The following ATPAF2 variants were observed in gnomAD, a reference collection of about 807,000 sequenced individuals.
The protein encoded by ATPAF2 is ATP synthase mitochondrial F1 complex assembly factor 2.
Under a neutral mutation model 36.6 loss-of-function variants are expected in ATPAF2, and 30 were observed. That is an observed-to-expected ratio of 0.82 (90% CI 0.61 to 1.11). The LOEUF (loss-of-function observed/expected upper bound fraction) is 1.11. Ranked by LOEUF, ATPAF2 falls within the 50% of genes most tolerant of loss-of-function variation. The probability of loss-of-function intolerance (pLI) is 0.00; values close to 1 mark genes in which losing one functional copy is unlikely to be tolerated. For synonymous variants in ATPAF2, 140 were observed against 152.6 expected (o/e 0.92, Z 0.61); for missense variants, 321 against 372.3 (o/e 0.86, Z 1.13).
chr17:18,025,621 T>G (rs2044532495), intron 4 of ATPAF2: 1 of 154,608 alleles, frequency 6.5e-6, no homozygotes, highest in Non-Finnish European at 1.4e-5. Context: ...CCTGTCAGGA[T>G]CCCTGTATAG....
chr17:18,020,920 C>T, intron 7 of ATPAF2: 3 of 1,344,244 alleles, frequency 2.2e-6, no homozygotes, highest in Non-Finnish European at 2.9e-6. Flanking sequence ...CTCAGCCACC[C>T]AAAGTGCTGG....
At chr17:18,031,366 T>C (rs2044632196) in intron 1 of ATPAF2, among the ~76,000 whole-genome samples, 1 of 152,172 alleles carries the variant, frequency 6.6e-6, no homozygotes, top group Non-Finnish European at 1.5e-5. Context: ...GGCCCAAAAT[T>C]GCATTCCACA....
chr17:18,033,368 A>G (rs963928168), intron 1 of ATPAF2, among the ~76,000 whole-genome samples: 2 of 151,048 alleles, frequency 1.3e-5, no homozygotes, highest in African/African-American at 4.9e-5. Flanking sequence ...TCTCAAAAAA[A>G]AAAAAAAAAA....
chr17:18,036,689 C>G lies in ATPAF2; in HGVS notation c.133+2192G>C, dbSNP rs373520321. Among the ~76,000 whole-genome samples, 70 of 152,256 alleles carry G rather than the reference C, an allele frequency of 4.6e-4. No individual in the cohort carries two copies. In the South Asian group the frequency reaches 0.013, roughly 29 times the overall value. ...CCATGTGCCAGGTACTTCCAAGAGC[C>G]TAACTAGTAAGTTTAGGCTTTTTAA... On this transcript the variant is annotated intron_variant, in intron 1 of 7. Coordinates refer to ENST00000474627, the MANE Select transcript of ATPAF2 (RefSeq NM_145691.4).
intron 5 of ATPAF2, among the ~76,000 whole-genome samples, chr17:18,022,698 C>T (rs542613624): frequency 2.1e-4 from 31 of 150,968 alleles, no homozygotes; most frequent in African/African-American, 6.8e-4. Flanking sequence ...CGCCTCCTGA[C>T]CTCTGCGCCT....
chr17:18,016,526 G>C (rs1317161138), downstream of ATPAF2: 1 of 1,442,508 alleles, frequency 6.9e-7, no homozygotes, highest in Non-Finnish European at 9.7e-7. Flanking sequence ...ATGATCTGAT[G>C]TAAGGAATCG....
chr17:18,028,287 A>C lies in ATPAF2; in HGVS notation c.269T>G (p.Val90Gly). 6.2e-7 allele frequency: 1 copy of C among 1,614,212 alleles called. No individual in the cohort carries two copies. The highest frequency in any genetic ancestry group is 8.5e-7 in the Non-Finnish European group (1 of 1,180,036). ...CTGCTGGGAATCCCACTCAGTAGCC[A>C]CTGCAATGGCCAGGGCCTCGCTGGG... ...TVPSEALAIA[V>G]ATEWDSQQDT... Residue 90 changes from valine to glycine, a missense_variant, in exon 3 of 8, where the codon GTG becomes GGG. By Grantham distance (109) the Val-to-Gly change is moderately radical. Coordinates refer to ENST00000474627, the MANE Select transcript of ATPAF2 (RefSeq NM_145691.4).
Position 18,026,149 on chromosome 17 carries a change from G to T in ATPAF2, c.422+170C>A, listed in dbSNP as rs565077411. Reference sequence around the variant, plus strand: ...TGTTCTGACACCATTGTAGCCCGAGGAGTCCTCCTCCTAAGGGGCTACAGA... The same window carrying T: ...TGTTCTGACACCATTGTAGCCCGAGTAGTCCTCCTCCTAAGGGGCTACAGA... On this transcript the variant is annotated intron_variant, in intron 4 of 7. Transcript: ENST00000474627. 15 of 705,726 alleles carry T rather than the reference G, an allele frequency of 2.1e-5. No homozygotes were observed. The African/African-American group carries it at 2.6e-4, about 12-fold the overall frequency. 43.7% of individuals were successfully genotyped at this position (705,726 alleles called of 1,614,324 possible).
chr17:18,030,058 C>T (rs947328450), intron 1 of ATPAF2, among the ~76,000 whole-genome samples: 1 of 151,424 alleles, frequency 6.6e-6, no homozygotes, highest in East Asian at 1.9e-4. Flanking sequence ...CAGTGGCTCA[C>T]GCCTGTAATC....
downstream of ATPAF2, chr17:18,015,576 G>C (rs573358047): frequency 6.5e-6 from 1 of 154,088 alleles, no homozygotes; most frequent in African/African-American, 2.4e-5. Flanking sequence ...TGGTTTTGTT[G>C]ACATGAGTGG....
chr17:18,028,283 A>C lies in ATPAF2; in HGVS notation c.273T>G (p.Ala91=). The C allele has an allele frequency of 6.2e-7, 1 of 1,614,190 alleles. No homozygotes were observed. The highest frequency in any genetic ancestry group is 1.3e-5 in the African/African-American group (1 of 75,034). The change falls in exon 3 of 8, where the codon GCT becomes GCG. Residue 91 remains alanine, a synonymous_variant. Coordinates refer to ENST00000474627, the MANE Select transcript of ATPAF2 (RefSeq NM_145691.4). ...TATCCTGCTGGGAATCCCACTCAGT[A>C]GCCACTGCAATGGCCAGGGCCTCGC... The part of the protein sequence containing the change: ...VPSEALAIAV[A]TEWDSQQDTI...
intron 1 of ATPAF2, among the ~76,000 whole-genome samples, chr17:18,034,891 T>G (rs2044683837): frequency 6.6e-6 from 1 of 152,190 alleles, no homozygotes; most frequent in Admixed American, 6.5e-5. Context: ...AATGGAATAT[T>G]GTTTGGCAAT....
At chr17:18,023,415 G>A (rs1362415432) in intron 5 of ATPAF2, among the ~76,000 whole-genome samples, 5 of 152,144 alleles carry the variant, frequency 3.3e-5, no homozygotes, top group Non-Finnish European at 7.4e-5. Context: ...GCGACAGAGC[G>A]AGACTCCATC....
chr17:18,016,784 G>A (rs974912546), downstream of ATPAF2: 16 of 588,986 alleles, frequency 2.7e-5, no homozygotes, highest in South Asian at 6.8e-5. Flanking sequence ...TCTCTCAACC[G>A]CGATCCCCAA....
At chr17:18,034,037 T>G (rs952765739) in intron 1 of ATPAF2, among the ~76,000 whole-genome samples, 12 of 152,146 alleles carry the variant, frequency 7.9e-5, no homozygotes, top group African/African-American at 2.4e-4. Flanking sequence ...GAGGATCACC[T>G]GAGCCTGGGA....
chr17:18,030,876 T>C (rs1451616733), intron 1 of ATPAF2, among the ~76,000 whole-genome samples: 4 of 132,698 alleles, frequency 3.0e-5, no homozygotes, highest in South Asian at 5.3e-4. Flanking sequence ...GGTTTCACCG[T>C]GTTAGCCAGG....
At chr17:18,031,127 C>A (rs1012589299) in intron 1 of ATPAF2, among the ~76,000 whole-genome samples, 1 of 150,924 alleles carries the variant, frequency 6.6e-6, no homozygotes, top group Non-Finnish European at 1.5e-5. Context: ...TGCCTGCCAC[C>A]ACGCCTGGCT....
At chr17:18,025,147 G>GT (rs2145495691) in intron 4 of ATPAF2, 1 of 307,550 alleles carries the variant, frequency 3.3e-6, no homozygotes, top group South Asian at 2.9e-5. Flanking sequence ...TGGGAATGCT[G>GT]TGCCAGATGC....
intron 1 of ATPAF2, among the ~76,000 whole-genome samples, chr17:18,029,554 G>T (rs1425775812): frequency 1.3e-5 from 2 of 151,656 alleles, no homozygotes; most frequent in East Asian, 3.8e-4. Context: ...GCATGTGGAA[G>T]AAAAAAGAGT....
Sources: gnomAD v4.1 joint callset for allele counts (sites outside exome capture counted in the v4.1 genomes callset) on GRCh38, gnomAD v4.1.1 for gene constraint, MANE v1.5 for transcripts, NCBI Gene and HGNC (gene_info 2026-07-23, HGNC 2026-07-21) for gene names.